The following TTC28 variants were observed in gnomAD, a reference collection of about 807,000 sequenced individuals.
TTC28 encodes tetratricopeptide repeat protein 28.
Under a neutral mutation model 198.0 loss-of-function variants are expected in TTC28, and 61 were observed. The observed-to-expected ratio is 0.31, with a 90% confidence interval of 0.25 to 0.38. TTC28 has a LOEUF of 0.38. Ranked by LOEUF, TTC28 falls within the 10% of genes least tolerant of loss-of-function variation. The pLI is 1.00. For synonymous variants in TTC28, 1,171 were observed against 1,297.8 expected (o/e 0.90, Z 2.10); for missense variants, 2,678 against 3,164.0 (o/e 0.85, Z 3.69).
intron 13 of TTC28, among the ~76,000 whole-genome samples, chr22:28,019,744 C>A (rs139855828): frequency 6.6e-6 from 1 of 152,244 alleles, no homozygotes; most frequent in Non-Finnish European, 1.5e-5. Context: ...ACAGGCCTTT[C>A]GCCCTGGCTG....
intron 2 of TTC28, among the ~76,000 whole-genome samples, chr22:28,466,946 G>A (rs944529298): frequency 2.0e-5 from 3 of 151,876 alleles, no homozygotes; most frequent in Non-Finnish European, 2.9e-5. Context: ...AACACATTAA[G>A]AAGATAATTT....
At chr22:28,237,060 T>C (rs1414504570) in intron 5 of TTC28, among the ~76,000 whole-genome samples, 1 of 152,160 alleles carries the variant, frequency 6.6e-6, no homozygotes, top group Non-Finnish European at 1.5e-5. Context: ...TATCCTGCCT[T>C]CTTCTGGATC....
intron 2 of TTC28, among the ~76,000 whole-genome samples, chr22:28,421,131 G>A (rs2047246881): frequency 6.6e-6 from 1 of 152,086 alleles, no homozygotes; most frequent in African/African-American, 2.4e-5. Flanking sequence ...GACCCAAATT[G>A]TGCTCCCATA....
At chr22:28,426,896 CT>C (rs916040606) in intron 2 of TTC28, among the ~76,000 whole-genome samples, 4 of 152,228 alleles carry the variant, frequency 2.6e-5, no homozygotes, top group African/African-American at 9.6e-5. Context: ...CAGCATCTCA[CT>C]TAGAGATTCT....
chr22:28,663,648 G>A (rs1410992655), intron 1 of TTC28, among the ~76,000 whole-genome samples: 5 of 133,956 alleles, frequency 3.7e-5, no homozygotes, highest in Non-Finnish European at 4.8e-5. Flanking sequence ...AGGGTCCTAC[G>A]CCCACGGAAT....
At chr22:28,245,281 A>G (rs1929997050) in intron 5 of TTC28, among the ~76,000 whole-genome samples, 1 of 152,306 alleles carries the variant, frequency 6.6e-6, no homozygotes, top group Admixed American at 6.5e-5. Context: ...AAAATCATAG[A>G]CTTTCAACTA....
At chr22:28,139,709 T>C (rs1381563307) in intron 6 of TTC28, among the ~76,000 whole-genome samples, 2 of 152,046 alleles carry the variant, frequency 1.3e-5, no homozygotes, top group African/African-American at 4.8e-5. Flanking sequence ...AGTTCCTTTT[T>C]TTTTTTTTTC....
At chr22:28,553,398 C>T (rs375399641) in intron 2 of TTC28, among the ~76,000 whole-genome samples, 1 of 150,098 alleles carries the variant, frequency 6.7e-6, no homozygotes, top group Admixed American at 6.6e-5. Context: ...TCTGCCCGGC[C>T]GCCCATCGTC....
intron 2 of TTC28, among the ~76,000 whole-genome samples, chr22:28,542,138 C>T (rs1250951970): frequency 6.6e-6 from 1 of 151,736 alleles, no homozygotes; most frequent in Non-Finnish European, 1.5e-5. Flanking sequence ...AAGCATAAGC[C>T]ACCATACACC....
At chr22:28,219,087 T>C (rs1216266847) in intron 5 of TTC28, among the ~76,000 whole-genome samples, 3 of 152,118 alleles carry the variant, frequency 2.0e-5, no homozygotes, top group South Asian at 2.1e-4. Context: ...ACTGATGTCA[T>C]GGAAAGACAT....
intron 2 of TTC28, among the ~76,000 whole-genome samples, chr22:28,505,421 GCAACAAC>G (rs1210082391): frequency 6.6e-6 from 1 of 152,104 alleles, no homozygotes; most frequent in Non-Finnish European, 1.5e-5. Flanking sequence ...AACTGTCTAG[GCAACAAC>G]AACTTGATCC....
At chr22:28,210,328 G>A (rs776566560) in intron 5 of TTC28, among the ~76,000 whole-genome samples, 9 of 151,982 alleles carry the variant, frequency 5.9e-5, no homozygotes, top group African/African-American at 1.7e-4. Context: ...TCAGACGATC[G>A]GTAATAACAA....
At chr22:28,535,507 G>C (rs2049247444) in intron 2 of TTC28, among the ~76,000 whole-genome samples, 1 of 152,138 alleles carries the variant, frequency 6.6e-6, no homozygotes, top group African/African-American at 2.4e-5. Flanking sequence ...TTTATAGATA[G>C]ATAAAGTTTT....
chr22:28,445,885 C>G lies in TTC28; in HGVS notation c.382-139242G>C, dbSNP rs542736435. 3.3e-5 allele frequency among the ~76,000 whole-genome samples: 5 copies of G among 152,124 alleles called. No homozygotes were observed. The South Asian group carries it at 1.0e-3, about 32-fold the overall frequency. ...ATACACACACACACACACACACACA[C>G]ACATATGTATTTCTAAAATGTTCAT... On this transcript the variant is annotated intron_variant, in intron 2 of 22. Transcript: ENST00000397906.
intron 2 of TTC28, among the ~76,000 whole-genome samples, chr22:28,319,407 G>C (rs1350943564): frequency 1.3e-5 from 2 of 152,182 alleles, no homozygotes; most frequent in African/African-American, 4.8e-5. Context: ...ATTGGAGCCA[G>C]AGGAGGAGTA....
At chr22:28,614,775 C>T (rs999617905) in intron 2 of TTC28, among the ~76,000 whole-genome samples, 2 of 152,160 alleles carry the variant, frequency 1.3e-5, no homozygotes. Context: ...CTTCCTTACA[C>T]CTTATACAAA....
At chr22:28,043,328 T>C (rs898696606) in intron 12 of TTC28, among the ~76,000 whole-genome samples, 1 of 150,282 alleles carries the variant, frequency 6.7e-6, no homozygotes, top group African/African-American at 2.4e-5. Flanking sequence ...CTTCCTGCAC[T>C]GGTGATTGTA....
chr22:28,420,079 G>A (rs2047224733), intron 2 of TTC28, among the ~76,000 whole-genome samples: 1 of 152,160 alleles, frequency 6.6e-6, no homozygotes. Context: ...TGCTACCAGT[G>A]TTTGTACAGC....
intron 5 of TTC28, among the ~76,000 whole-genome samples, chr22:28,215,693 A>G (rs193153663): frequency 6.6e-6 from 1 of 152,248 alleles, no homozygotes; most frequent in East Asian, 1.9e-4. Context: ...TTGAATCAGA[A>G]GACTAGGATC....
Sources: allele counts gnomAD v4.1 joint callset (sites outside exome capture counted in the v4.1 genomes callset), GRCh38; gene constraint gnomAD v4.1.1; transcripts MANE v1.5; gene names NCBI Gene and HGNC (gene_info 2026-07-23, HGNC 2026-07-21).